The following STK33 variants were observed in gnomAD, a reference collection of about 807,000 sequenced individuals.
The protein encoded by STK33 is serine/threonine kinase 33.
STK33 carries 52 observed loss-of-function variants against 58.0 expected under a neutral mutation model. That is an observed-to-expected ratio of 0.90 (90% CI 0.72 to 1.13). The LOEUF is 1.13. Ranked by LOEUF, STK33 falls within the 50% of genes most tolerant of loss-of-function variation. The pLI, the probability that STK33 is intolerant of heterozygous loss-of-function variation, is 0.00. For missense variants in STK33, 630 were observed against 604.2 expected (o/e 1.04, Z -0.45); for synonymous variants, 215 against 200.1 (o/e 1.07, Z -0.63).
chr11:8,548,039 C>T (rs1221351240), intron 1 of STK33, among the ~76,000 whole-genome samples: 1 of 151,518 alleles, frequency 6.6e-6, no homozygotes, highest in Non-Finnish European at 1.5e-5. Context: ...GGAGGGATAG[C>T]ATTAGGAGAT....
At chr11:8,388,743 T>G (rs1848578306), downstream of STK33, among the ~76,000 whole-genome samples, 1 of 152,158 alleles carries the variant, frequency 6.6e-6, no homozygotes. Context: ...CCAGGTTCTG[T>G]TGGCTGTCAC....
At chr11:8,449,499 G>A (rs972591771) in intron 11 of STK33, among the ~76,000 whole-genome samples, 19 of 151,380 alleles carry the variant, frequency 1.3e-4, no homozygotes, top group African/African-American at 2.5e-4. Flanking sequence ...TGGATGAAGC[G>A]GAAACCATCA....
the STK33 span, among the ~76,000 whole-genome samples, chr11:8,361,387 G>A: frequency 6.6e-6 from 1 of 152,054 alleles, no homozygotes; most frequent in Admixed American, 6.5e-5. This position sits in a 1 kb window ranked among gnomAD's most constrained non-coding sequence, Gnocchi z 4.8. Flanking sequence ...AGCCTTTCCT[G>A]GGCAGCCACC....
At chr11:8,516,011 C>T (rs1456828527) in intron 1 of STK33, among the ~76,000 whole-genome samples, 2 of 152,140 alleles carry the variant, frequency 1.3e-5, no homozygotes, top group South Asian at 2.1e-4. Context: ...ACAGATTAAA[C>T]GCAATCCTTA....
Position 8,454,837 on chromosome 11 carries a change from C to T in STK33, c.698-5G>A, listed in dbSNP as rs752918732. On this transcript the variant is annotated splice_region_variant and splice_polypyrimidine_tract_variant and intron_variant, in intron 9 of 15. Transcript: ENST00000687296. ...TCAGATCTCTATGTACAATATCTAC[C>T]AAGAAAATAAACAACAAATCAAATG... 6.5e-7 allele frequency: 1 copy of T among 1,528,152 alleles called. No homozygotes were observed. The highest frequency in any genetic ancestry group is 2.1e-5 in the Admixed American group (1 of 47,916). 94.7% of individuals were successfully genotyped at this position (1,528,152 alleles called of 1,614,324 possible). A position where few individuals can be genotyped will look rare whatever the true frequency, so the allele number is the denominator to read the frequency against.
At chr11:8,426,424 T>C (rs1942769409) in intron 14 of STK33, among the ~76,000 whole-genome samples, 1 of 152,168 alleles carries the variant, frequency 6.6e-6, no homozygotes, top group Non-Finnish European at 1.5e-5. Flanking sequence ...AGGGGTGGTC[T>C]TGGAAAATGC....
rs1432767690 is a variant in STK33 at position 8,476,717 on chromosome 11, A to G, written c.-192T>C. ...TTTGTTTTTCTTCATGCCACTTATC[A>G]TTTCACTCAGGAAGTTTCATAGCAG... is the stretch of plus-strand genomic sequence containing the variant. On this transcript the variant is annotated 5_prime_UTR_variant, in exon 4 of 16. An upstream start codon of the reference 5' UTR is lost. Transcript: ENST00000687296. 1 of 152,132 alleles carries G rather than the reference A, an allele frequency of 6.6e-6. No homozygotes were observed. Among genetic ancestry groups the G allele is most frequent in the Non-Finnish European group, 1.5e-5 (1 of 68,042 alleles). The allele number at this position is 152,132 out of a possible 1,614,324, so 9.4% of individuals were successfully genotyped here.
intron 12 of STK33, among the ~76,000 whole-genome samples, chr11:8,440,372 A>C (rs2136391859): frequency 6.6e-6 from 1 of 152,258 alleles, no homozygotes; most frequent in African/African-American, 2.4e-5. Flanking sequence ...AGAAAACACA[A>C]AGAAGCTTTT....
At chr11:8,351,124 G>C in the STK33 span, among the ~76,000 whole-genome samples, 1 of 151,942 alleles carries the variant, frequency 6.6e-6, no homozygotes, top group Non-Finnish European at 1.5e-5. Context: ...CCAGCATCCT[G>C]ACACACCCAT....
chr11:8,399,842 T>C (rs970061051), intron 15 of STK33, among the ~76,000 whole-genome samples: 2 of 152,084 alleles, frequency 1.3e-5, no homozygotes, highest in African/African-American at 4.8e-5. Flanking sequence ...TATAAACACC[T>C]CTATGCAAAT....
chr11:8,399,294 G>C lies in STK33; in HGVS notation c.1345-6584C>G, dbSNP rs868709692. Among the ~76,000 whole-genome samples the C allele has an allele frequency of 3.3e-5, 5 of 152,284 alleles. No homozygotes were observed. In the South Asian group the frequency reaches 8.3e-4, roughly 25 times the overall value. ...CTCAGACAACAGAGCAATCAAACTA[G>C]AACTCAGGATTAAGAAACTCACTCA... On this transcript the variant is annotated intron_variant, in intron 15 of 15. Transcript: ENST00000687296.
intron 1 of STK33, among the ~76,000 whole-genome samples, chr11:8,508,054 C>T (rs1952003798): frequency 6.6e-6 from 1 of 151,920 alleles, no homozygotes; most frequent in South Asian, 2.1e-4. Context: ...TCATGCCCAG[C>T]TAATTTTTGT....
chr11:8,436,490 C>A (rs1003957483), intron 12 of STK33, among the ~76,000 whole-genome samples: 1 of 152,056 alleles, frequency 6.6e-6, no homozygotes, highest in Non-Finnish European at 1.5e-5. Flanking sequence ...ATAGTGGTAG[C>A]TAATACAGGA....
At chr11:8,351,343 G>C in the STK33 span, among the ~76,000 whole-genome samples, 1 of 152,234 alleles carries the variant, frequency 6.6e-6, no homozygotes, top group East Asian at 1.9e-4. Flanking sequence ...CTGCGAGCTG[G>C]GTCCTGACCC....
the STK33 span, among the ~76,000 whole-genome samples, chr11:8,349,149 G>A: frequency 6.6e-6 from 1 of 152,160 alleles, no homozygotes; most frequent in African/African-American, 2.4e-5. Flanking sequence ...TGTGACCTTA[G>A]ACATGTTGGT....
At chr11:8,381,585 G>C in the STK33 span, among the ~76,000 whole-genome samples, 1,959 of 152,222 alleles carry the variant, frequency 0.013, 36 homozygotes, top group African/African-American at 0.044. Flanking sequence ...AGATCACCTA[G>C]CACCCAGCAC....
At chr11:8,403,168 A>T (rs1938435073) in intron 15 of STK33, among the ~76,000 whole-genome samples, 1 of 152,236 alleles carries the variant, frequency 6.6e-6, no homozygotes. Flanking sequence ...AGAAGACCTC[A>T]AAATCACTGT....
chr11:8,473,404 T>G, intron 5 of STK33, 128 bp from the exon 6 acceptor site: 1 of 619,402 alleles, frequency 1.6e-6, no homozygotes, highest in Non-Finnish European at 2.8e-6. Flanking sequence ...ACAAGATTGT[T>G]TACTGTCTTT....
the STK33 span, among the ~76,000 whole-genome samples, chr11:8,351,569 C>A: frequency 6.6e-6 from 1 of 152,226 alleles, no homozygotes; most frequent in Non-Finnish European, 1.5e-5. Context: ...CTGCCTGTCA[C>A]TTCACCATAA....
Sources: gnomAD v4.1 joint callset for allele counts (sites outside exome capture counted in the v4.1 genomes callset) on GRCh38, gnomAD v4.1.1 for gene constraint, Gnocchi (gnomAD v3.1) non-coding constraint, MANE v1.5 for transcripts, NCBI Gene and HGNC (gene_info 2026-07-23, HGNC 2026-07-21) for gene names.